CACNA2D3: variants seen among roughly 807,000 people sequenced by gnomAD.
CACNA2D3 encodes the protein calcium voltage-gated channel auxiliary subunit alpha2delta 3, also known as voltage-dependent calcium channel subunit alpha-2/delta-3.
Under a neutral mutation model 160.6 loss-of-function variants are expected in CACNA2D3, and 60 were observed. That is an observed-to-expected ratio of 0.37 (90% CI 0.30 to 0.46). The LOEUF (loss-of-function observed/expected upper bound fraction) is 0.46. Among genes scored for constraint, CACNA2D3 ranks in the 20% least tolerant of loss-of-function variants. The pLI is 1.00. For missense variants in CACNA2D3, 1,205 were observed against 1,365.0 expected (o/e 0.88, Z 1.85); for synonymous variants, 558 against 492.9 (o/e 1.13, Z -1.75).
chr3:54,942,886 C>T (rs1171123661), intron 27 of CACNA2D3, among the ~76,000 whole-genome samples: 4 of 151,968 alleles, frequency 2.6e-5, no homozygotes, highest in South Asian at 4.1e-4. Flanking sequence ...TAGCCAGGCG[C>T]GGTGGCACGT....
chr3:54,542,789 A>G (rs1246286461), intron 5 of CACNA2D3, among the ~76,000 whole-genome samples: 1 of 152,168 alleles, frequency 6.6e-6, no homozygotes, highest in Non-Finnish European at 1.5e-5. Flanking sequence ...TCCTTTGCCA[A>G]CACCTTCACA....
chr3:54,340,404 A>G (rs931710449), intron 3 of CACNA2D3, among the ~76,000 whole-genome samples: 2 of 152,210 alleles, frequency 1.3e-5, no homozygotes, highest in Middle Eastern at 3.2e-3. Context: ...CAGACTTGTT[A>G]TAGTATTTTT....
chr3:55,013,766 C>T (rs1703262531), intron 34 of CACNA2D3, among the ~76,000 whole-genome samples: 1 of 152,068 alleles, frequency 6.6e-6, no homozygotes, highest in Non-Finnish European at 1.5e-5. Context: ...TGCTGGCACC[C>T]GGTTGTGAAC....
intron 13 of CACNA2D3, among the ~76,000 whole-genome samples, chr3:54,800,039 TTTAA>T (rs774738227): frequency 3.3e-4 from 50 of 152,298 alleles, no homozygotes; most frequent in Non-Finnish European, 6.3e-4. Flanking sequence ...CAAATTAAGT[TTTAA>T]TTAAAACCAG....
Position 54,394,625 on chromosome 3 carries a change from C to G in CACNA2D3, c.381+7851C>G, listed in dbSNP as rs1232471512. On this transcript the variant is annotated intron_variant, in intron 4 of 37. Coordinates refer to ENST00000474759, the MANE Select transcript of CACNA2D3 (RefSeq NM_018398.3). ...GAGAATGATGGTTTCCATCCATGTC[C>G]CTACAAAGGACATGAACTCATCATT... Among the ~76,000 whole-genome samples the G allele has an allele frequency of 5.8e-5, 7 of 120,296 alleles. 2 individuals are homozygous for G. The highest frequency in any genetic ancestry group is 8.5e-5 in the Non-Finnish European group (5 of 58,488). The allele number at this position is 120,296 out of a possible 152,430, so 78.9% of individuals were successfully genotyped here. A position where few individuals can be genotyped will look rare whatever the true frequency, so the allele number is the denominator to read the frequency against.
At chr3:54,408,072 C>T in intron 4 of CACNA2D3, among the ~76,000 whole-genome samples, 2 of 152,124 alleles carry the variant, frequency 1.3e-5, no homozygotes, top group South Asian at 4.2e-4. Context: ...AACTTACTGT[C>T]TAATGGGAGG....
chr3:54,336,165 G>T (rs55719584), intron 3 of CACNA2D3, among the ~76,000 whole-genome samples: 47,434 of 151,870 alleles, frequency 0.31, 7,982 homozygotes, highest in South Asian at 0.42. Context: ...GCTCCCATCT[G>T]TATAGTCTTC....
In CACNA2D3 at chr3:54,475,808, T is replaced by TA. The variant is rs1559492508; in HGVS notation, c.382-27684_382-27683insA. ...TATCCATCTTCTCACATGGTTACCA[T>TA]TTGTGTGTGTGTGTGTGTGTGTGTG... On this transcript the variant is annotated intron_variant, in intron 4 of 37. Transcript: ENST00000474759. Among the ~76,000 whole-genome samples, 779 of 131,584 alleles carry TA rather than the reference T, an allele frequency of 5.9e-3. 6 individuals are homozygous for TA. Among genetic ancestry groups the TA allele is most frequent in the African/African-American group, 0.022 (755 of 34,816 alleles). The allele number at this position is 131,584 out of a possible 152,430, so 86.3% of individuals were successfully genotyped here. A position where few individuals can be genotyped will look rare whatever the true frequency, so the allele number is the denominator to read the frequency against.
chr3:54,677,632 A>G (rs1700267926), intron 11 of CACNA2D3, among the ~76,000 whole-genome samples: 1 of 149,548 alleles, frequency 6.7e-6, no homozygotes, highest in Non-Finnish European at 1.5e-5. Context: ...GGGGGGGGGC[A>G]ACGTACTTAC....
chr3:54,347,665 A>C (rs189264999), intron 3 of CACNA2D3, among the ~76,000 whole-genome samples: 3 of 152,118 alleles, frequency 2.0e-5, no homozygotes, highest in Admixed American at 2.0e-4. Context: ...TAAAAAAAAA[A>C]AACAAAAAAC....
At chr3:54,728,293 C>G (rs77762910) in intron 11 of CACNA2D3, among the ~76,000 whole-genome samples, 4 of 152,114 alleles carry the variant, frequency 2.6e-5, no homozygotes, top group Non-Finnish European at 5.9e-5. Context: ...CTATACAGTT[C>G]GACCTGGATA....
intron 5 of CACNA2D3, among the ~76,000 whole-genome samples, chr3:54,524,584 T>C (rs1216536935): frequency 6.6e-6 from 1 of 152,120 alleles, no homozygotes; most frequent in Admixed American, 6.5e-5. Flanking sequence ...AGTGAGATAT[T>C]GAAGTCCTCA....
chr3:54,741,778 T>G (rs1701654318), intron 11 of CACNA2D3, among the ~76,000 whole-genome samples: 1 of 152,154 alleles, frequency 6.6e-6, no homozygotes, highest in Non-Finnish European at 1.5e-5. Context: ...CAATAAACCT[T>G]GATAGCCAGT....
chr3:54,491,871 G>A (rs1701116312), intron 4 of CACNA2D3, among the ~76,000 whole-genome samples: 1 of 152,184 alleles, frequency 6.6e-6, no homozygotes, highest in South Asian at 2.1e-4. Flanking sequence ...GAAGGACGTA[G>A]GTGGTGGAGG....
intron 5 of CACNA2D3, among the ~76,000 whole-genome samples, chr3:54,544,196 A>C (rs1000950420): frequency 2.0e-5 from 3 of 152,234 alleles, no homozygotes; most frequent in Non-Finnish European, 4.4e-5. Flanking sequence ...TGATAAGTAC[A>C]TAATACATTT....
chr3:54,509,357 GTGAC>G (rs1262558187), intron 5 of CACNA2D3, among the ~76,000 whole-genome samples: 2 of 152,068 alleles, frequency 1.3e-5, no homozygotes, highest in Non-Finnish European at 2.9e-5. Flanking sequence ...GTGAACAAGA[GTGAC>G]TGACCCCAGG....
chr3:54,260,482 C>A (rs1702383581), intron 2 of CACNA2D3, among the ~76,000 whole-genome samples: 1 of 152,272 alleles, frequency 6.6e-6, no homozygotes, highest in Non-Finnish European at 1.5e-5. Context: ...GGTCTCTCTT[C>A]CTTTTCTTAT....
At chr3:54,732,674 C>T (rs1478300225) in intron 11 of CACNA2D3, among the ~76,000 whole-genome samples, 2 of 152,168 alleles carry the variant, frequency 1.3e-5, no homozygotes, top group Non-Finnish European at 2.9e-5. Flanking sequence ...TTCTCATTCT[C>T]TCAGTCTGAA....
intron 2 of CACNA2D3, among the ~76,000 whole-genome samples, chr3:54,165,018 A>G (rs1259554355): frequency 6.6e-6 from 1 of 152,176 alleles, no homozygotes; most frequent in African/African-American, 2.4e-5. Context: ...TCCTTGTGGA[A>G]AAGAGAAGCA....
Sources: allele counts gnomAD v4.1 joint callset (sites outside exome capture counted in the v4.1 genomes callset), GRCh38; gene constraint gnomAD v4.1.1; transcripts MANE v1.5; gene names NCBI Gene and HGNC (gene_info 2026-07-23, HGNC 2026-07-21).